The following SLC66A3 variants were observed in gnomAD, a reference collection of about 807,000 sequenced individuals.
The protein encoded by SLC66A3 is solute carrier family 66 member 3, also known as PQ loop repeat containing 3.
Under a neutral mutation model 25.5 loss-of-function variants are expected in SLC66A3, and 23 were observed. The ratio of observed to expected loss-of-function variants is 0.90; its 90% confidence interval spans 0.65 to 1.28. The LOEUF (loss-of-function observed/expected upper bound fraction) is 1.28, where lower values mean the gene tolerates loss of function less well. SLC66A3 is among the 50% of genes most tolerant of loss of function. The pLI is 0.00. For synonymous variants in SLC66A3, 108 were observed against 112.6 expected, an observed-to-expected ratio of 0.96 and a Z score of 0.26; for missense variants, 246 against 262.1, an observed-to-expected ratio of 0.94 and a Z score of 0.42.
chr2:11,170,391 C>T (rs562834023), intron 4 of SLC66A3, among the ~76,000 whole-genome samples: 4 of 152,204 alleles, frequency 2.6e-5, no homozygotes, highest in East Asian at 1.9e-4. Flanking sequence ...TGGTCAGCGT[C>T]GAGGATGCTG....
chr2:11,156,266 GTC>G (rs1270514265), intron 1 of SLC66A3, among the ~76,000 whole-genome samples: 2 of 152,190 alleles, frequency 1.3e-5, no homozygotes, highest in Non-Finnish European at 2.9e-5. Context: ...AAGTTGGAGA[GTC>G]TCTGCAGTTG....
intron 4 of SLC66A3, among the ~76,000 whole-genome samples, chr2:11,168,282 GAA>G (rs776255689): frequency 4.6e-5 from 6 of 130,078 alleles, no homozygotes; most frequent in African/African-American, 1.1e-4. Context: ...GACTCTGTCT[GAA>G]AAAAAAAAAA....
chr2:11,156,143 C>G (rs1661891723), intron 1 of SLC66A3, among the ~76,000 whole-genome samples: 1 of 152,202 alleles, frequency 6.6e-6, no homozygotes, highest in African/African-American at 2.4e-5. Flanking sequence ...CTCTTCTCTT[C>G]TCCCGGTGAT....
rs1662736828 is a variant in SLC66A3, at chr2:11,176,243, TCTCA to T, written c.517+1238_517+1241del. On this transcript the variant is annotated intron_variant, in intron 6 of 6. Transcript: ENST00000295083. ...GTTGTTGTTTTGTTTTGAGATGGAT[TCTCA>T]CTCTGTCGCCCAGGCTGGAGTGCAG... Among the ~76,000 whole-genome samples the T allele has an allele frequency of 3.9e-5, 6 of 152,256 alleles. No individual in the cohort carries two copies. The South Asian group carries it at 1.2e-3, about 32-fold the overall frequency.
intron 4 of SLC66A3, among the ~76,000 whole-genome samples, chr2:11,170,738 G>A (rs1406647815): frequency 1.3e-5 from 2 of 151,776 alleles, no homozygotes; most frequent in African/African-American, 2.4e-5. Flanking sequence ...ACAGGCGCCC[G>A]CCACTACACC....
intron 3 of SLC66A3, among the ~76,000 whole-genome samples, chr2:11,161,134 G>A (rs905873413): frequency 3.9e-5 from 6 of 152,188 alleles, no homozygotes; most frequent in Non-Finnish European, 7.3e-5. Context: ...TGCAGTGGGA[G>A]CCTGGTCAGC....
chr2:11,161,862 GC>G (rs1662142418), intron 3 of SLC66A3, among the ~76,000 whole-genome samples: 1 of 152,210 alleles, frequency 6.6e-6, no homozygotes, highest in African/African-American at 2.4e-5. Context: ...AGCCTGTCCT[GC>G]CACATCTGTG....
At chr2:11,169,835 C>CTT (rs1558257033) in intron 4 of SLC66A3, among the ~76,000 whole-genome samples, 1 of 85,104 alleles carries the variant, frequency 1.2e-5, no homozygotes. Context: ...CTGGATTTCT[C>CTT]TCTTTTTTTT....
chr2:11,177,762 G>A lies in SLC66A3; in HGVS notation c.543G>A (p.Leu181=), dbSNP rs1662814489. ...FTILLRFVIM[L]ALNIWVTVTV... ...TTCTTCTACGTTTTGTGATCATGCT[G>A]GCTTTAAATATATGGGTAACAGTGA... is the stretch of plus-strand genomic sequence containing the variant. Residue 181 remains leucine, a synonymous_variant, in exon 7 of 7, where the codon CTG becomes CTA. Coordinates refer to ENST00000295083, the MANE Select transcript of SLC66A3 (RefSeq NM_152391.5). 4 of 1,610,698 alleles carry A rather than the reference G, an allele frequency of 2.5e-6. No individual in the cohort carries two copies. Among genetic ancestry groups the A allele is most frequent in the African/African-American group, 1.3e-5 (1 of 74,940 alleles).
chr2:11,160,820 AAT>A (rs141171593), intron 3 of SLC66A3, 126 bp downstream of exon 3: 187,495 of 844,942 alleles, frequency 0.22, 8,192 homozygotes, highest in East Asian at 0.36. Flanking sequence ...AAAAAAAAAA[AAT>A]CCCAAATGCA....
chr2:11,175,339 G>A (rs993336458), intron 6 of SLC66A3, among the ~76,000 whole-genome samples: 2 of 152,228 alleles, frequency 1.3e-5, no homozygotes, highest in East Asian at 1.9e-4. Context: ...GGCAGGATGA[G>A]CATCTAAGGA....
intron 4 of SLC66A3, among the ~76,000 whole-genome samples, chr2:11,169,924 C>T (rs1662489809): frequency 6.8e-6 from 1 of 146,376 alleles, no homozygotes; most frequent in African/African-American, 2.5e-5. Flanking sequence ...CTGCAACCTC[C>T]ACCTCCTGGG....
In SLC66A3 at chr2:11,155,590, G is replaced by T. The variant is rs200593382; in HGVS notation, c.44G>T (p.Gly15Val). 5.9e-4 allele frequency: 890 copies of T among 1,517,326 alleles called. 7 individuals are homozygous for T. The African/African-American group carries it at 0.01, about 18-fold the overall frequency. The allele number at this position is 1,517,326 out of a possible 1,614,324, so 94.0% of individuals were successfully genotyped here. A position where few individuals can be genotyped will look rare whatever the true frequency, so the allele number is the denominator to read the frequency against. Residue 15 changes from glycine to valine, a missense_variant, in exon 1 of 7, where the codon GGC (glycine) becomes GTC (valine). This residue lies in a region of SLC66A3 where 142 missense variants were observed against 130.3 expected (regional missense o/e 1.09). Coordinates refer to ENST00000295083, the MANE Select transcript of SLC66A3 (RefSeq NM_152391.5). The stretch of plus-strand genomic sequence containing the variant: ...GGGCTGTGTAACTGGAGCACGCTGG[G>T]CGTGTGCGCCGCGCTGAAGCTGCCG... Reference protein sequence around the residue: ...LLGLCNWSTLGVCAALKLPQI... With the variant: ...LLGLCNWSTLVVCAALKLPQI...
intron 4 of SLC66A3, among the ~76,000 whole-genome samples, chr2:11,165,643 A>T (rs1392421688): frequency 1.3e-5 from 2 of 152,192 alleles, no homozygotes; most frequent in Non-Finnish European, 2.9e-5. Context: ...CAATCTCGGC[A>T]CTTTGGGAGG....
At position 11,155,579 on chromosome 2, in the gene SLC66A3, G is replaced by C. The variant is rs1661860302; in HGVS notation, c.33G>C (p.Trp11Cys). The C allele has an allele frequency of 1.3e-6, 2 of 1,516,078 alleles. No individual in the cohort carries two copies. Among genetic ancestry groups the C allele is most frequent in the Non-Finnish European group, 1.8e-6 (2 of 1,141,722 alleles). The allele number at this position is 1,516,078 out of a possible 1,614,324, so 93.9% of individuals were successfully genotyped here. A position where few individuals can be genotyped will look rare whatever the true frequency, so the allele number is the denominator to read the frequency against. Residue 11 changes from tryptophan to cysteine, a missense_variant, in exon 1 of 7, where the codon TGG becomes TGC. By Grantham distance (215) the Trp-to-Cys change is radical (BLOSUM62 -2). Coordinates refer to ENST00000295083, the MANE Select transcript of SLC66A3 (RefSeq NM_152391.5). ...CGGCGCTGCTGGGGCTGTGTAACTG[G>C]AGCACGCTGGGCGTGTGCGCCGCGC... The part of the protein sequence containing the change: MEAALLGLCN[W>C]STLGVCAALK...
At chr2:11,168,091 T>A (rs534113660) in intron 4 of SLC66A3, among the ~76,000 whole-genome samples, 1 of 152,046 alleles carries the variant, frequency 6.6e-6, no homozygotes, top group Non-Finnish European at 1.5e-5. Flanking sequence ...CCATCCTGGC[T>A]AACACGGTGA....
At chr2:11,157,913 C>T (rs1661965536) in intron 1 of SLC66A3, among the ~76,000 whole-genome samples, 1 of 152,152 alleles carries the variant, frequency 6.6e-6, no homozygotes. Flanking sequence ...CAGGAGCCTC[C>T]TGGAGCACAA....
chr2:11,164,422 A>G (rs1447698497), intron 4 of SLC66A3, among the ~76,000 whole-genome samples, 161 bp downstream of exon 4: 1 of 146,290 alleles, frequency 6.8e-6, no homozygotes, highest in African/African-American at 2.5e-5. Context: ...GCTCACCACA[A>G]CCTCCACCTC....
At chr2:11,167,357 C>T (rs557616302) in intron 4 of SLC66A3, among the ~76,000 whole-genome samples, 7 of 152,152 alleles carry the variant, frequency 4.6e-5, no homozygotes, top group Non-Finnish European at 7.4e-5. Context: ...GCAGGAGAAT[C>T]GCTTGAACCC....
Sources: gnomAD v4.1 joint callset for allele counts (sites outside exome capture counted in the v4.1 genomes callset) on GRCh38, gnomAD v4.1.1 for gene constraint, gnomAD v4.1.1 regional missense constraint, MANE v1.5 for transcripts, NCBI Gene and HGNC (gene_info 2026-07-23, HGNC 2026-07-21) for gene names.